LRRC28: variants seen among roughly 807,000 people sequenced by gnomAD.
LRRC28 encodes the protein leucine-rich repeat-containing protein 28.
Under a neutral mutation model 45.7 loss-of-function variants are expected in LRRC28, and 39 were observed. The ratio of observed to expected loss-of-function variants is 0.85; its 90% CI spans 0.66 to 1.12. The LOEUF (loss-of-function observed/expected upper bound fraction) is 1.12, where lower values mean the gene tolerates loss of function less well. Ranked by LOEUF, LRRC28 falls within the 50% of genes most tolerant of loss-of-function variation. LRRC28 has a pLI of 0.00. For synonymous variants in LRRC28, 206 were observed against 178.8 expected (o/e 1.15, Z -1.22); for missense variants, 435 against 438.5 (o/e 0.99, Z 0.07).
intron 9 of LRRC28, among the ~76,000 whole-genome samples, chr15:99,368,203 CATCTT>C (rs1957392143): frequency 1.3e-5 from 2 of 152,188 alleles, no homozygotes; most frequent in African/African-American, 4.8e-5. Context: ...TTCAAAATCT[CATCTT>C]AAATATCTAA....
intron 2 of LRRC28, among the ~76,000 whole-genome samples, chr15:99,274,301 G>A (rs1229535286): frequency 1.3e-5 from 2 of 152,158 alleles, no homozygotes; most frequent in East Asian, 1.9e-4. Flanking sequence ...ACATCAGTAT[G>A]CCAGTATGAC....
At position 99,352,444 on chromosome 15, in the gene LRRC28, T is replaced by C. The variant is rs753539602; in HGVS notation, c.668T>C (p.Leu223Pro). The change falls in exon 7 of 10, where the codon CTG becomes CCG. Residue 223 changes from leucine (L) to proline (P), a missense_variant. Physicochemically the swap from Leu to Pro is moderately conservative, Grantham distance 98. Coordinates refer to ENST00000301981, the MANE Select transcript of LRRC28 (RefSeq NM_144598.5). ...NIHLKGLPSY[L>P]YNKVIGCSGC... ...CACCTGAAAGGCTTGCCATCTTATC[T>C]GTACAATAAAGTCATCGGGTGCAGT... 6.2e-7 allele frequency: 1 copy of C among 1,614,022 alleles called. No individual in the cohort carries two copies. The highest frequency in any genetic ancestry group is 8.5e-7 in the Non-Finnish European group (1 of 1,179,948).
chr15:99,274,913 T>G (rs1472870986), intron 2 of LRRC28, among the ~76,000 whole-genome samples: 2 of 152,204 alleles, frequency 1.3e-5, no homozygotes. Flanking sequence ...TTATGTCTTT[T>G]GGAACTCGGG....
chr15:99,305,330 C>T (rs1277929178), intron 5 of LRRC28, among the ~76,000 whole-genome samples: 9 of 152,068 alleles, frequency 5.9e-5, no homozygotes, highest in Non-Finnish European at 1.0e-4. Context: ...GCTTTTACAG[C>T]GCTGAAACTT....
chr15:99,385,031 C>T (rs1050844132), intron 9 of LRRC28, among the ~76,000 whole-genome samples: 8 of 152,216 alleles, frequency 5.3e-5, no homozygotes, highest in Non-Finnish European at 1.0e-4. Context: ...CCTTACCATG[C>T]TTAATCCTTG....
Position 99,274,244 on chromosome 15 carries a change from A to C in LRRC28, c.169-2332A>C, listed in dbSNP as rs182924629. On this transcript the variant is annotated intron_variant, in intron 2 of 9. Coordinates refer to ENST00000301981, the MANE Select transcript of LRRC28 (RefSeq NM_144598.5). ...TACTTGGTTATCACAAAAGGGAAGG[A>C]TATGTATATATAAGCAGTTTGTGAT... 2.0e-3 allele frequency among the ~76,000 whole-genome samples: 304 copies of C among 152,360 alleles called. 3 individuals are homozygous for C. Among genetic ancestry groups the C allele is most frequent in the Non-Finnish European group, 2.1e-4 (14 of 68,034 alleles).
chr15:99,321,646 A>G (rs776270715), intron 5 of LRRC28, among the ~76,000 whole-genome samples: 3 of 152,192 alleles, frequency 2.0e-5, no homozygotes, highest in Admixed American at 6.5e-5. Context: ...TAAGCAACAA[A>G]TCTGAATCAT....
chr15:99,373,364 A>T (rs538101424), intron 9 of LRRC28, among the ~76,000 whole-genome samples: 252 of 152,080 alleles, frequency 1.7e-3, no homozygotes, highest in African/African-American at 4.2e-3. Flanking sequence ...TTCATTTTTT[A>T]AAAAAAATTA....
At chr15:99,348,544 A>G (rs1956768121) in intron 6 of LRRC28, among the ~76,000 whole-genome samples, 1 of 151,830 alleles carries the variant, frequency 6.6e-6, no homozygotes, top group African/African-American at 2.4e-5. Flanking sequence ...GTTCCCTGTT[A>G]TGTCCTCTTG....
chr15:99,334,242 T>C, intron 6 of LRRC28, 113 bp downstream of exon 6: 1 of 1,215,398 alleles, frequency 8.2e-7, no homozygotes, highest in Non-Finnish European at 1.2e-6. Flanking sequence ...TGACGATTGC[T>C]TCTCTAAGTT....
At chr15:99,378,587 G>C (rs1410454603) in intron 9 of LRRC28, among the ~76,000 whole-genome samples, 1 of 152,184 alleles carries the variant, frequency 6.6e-6, no homozygotes. Context: ...TTGAATAGGA[G>C]TGGTGAGAGA....
At chr15:99,333,344 T>C (rs1053868158) in intron 5 of LRRC28, among the ~76,000 whole-genome samples, 5 of 152,224 alleles carry the variant, frequency 3.3e-5, no homozygotes, top group Non-Finnish European at 5.9e-5. Context: ...TTTTAAAAGG[T>C]GCCGCATGCC....
intron 5 of LRRC28, among the ~76,000 whole-genome samples, chr15:99,309,879 G>A (rs1422591393): frequency 6.6e-6 from 1 of 152,162 alleles, no homozygotes; most frequent in African/African-American, 2.4e-5. Flanking sequence ...CTAATAAGGT[G>A]GTGAAGAATT....
In LRRC28 at chr15:99,334,045, T is replaced by C; in HGVS notation, c.508T>C (p.Trp170Arg). 1 of 1,614,166 alleles carries C rather than the reference T, an allele frequency of 6.2e-7. No homozygotes were observed. The highest frequency in any genetic ancestry group is 8.5e-7 in the Non-Finnish European group (1 of 1,180,000). ...QYLTVDRNRL[W>R]YVPRHLCQLP... is the part of the protein sequence containing the mutation. ...CCTCACTGTGGACCGAAATCGTCTA[T>C]GGTATGTGCCGCGCCATCTCTGCCA... is the stretch of plus-strand genomic sequence containing the variant. The change falls in exon 6 of 10, where the codon TGG becomes CGG. Residue 170 changes from tryptophan (W) to arginine (R), a missense_variant. Coordinates refer to ENST00000301981, the MANE Select transcript of LRRC28 (RefSeq NM_144598.5).
chr15:99,380,842 A>C (rs1957797847), intron 9 of LRRC28, among the ~76,000 whole-genome samples: 1 of 152,210 alleles, frequency 6.6e-6, no homozygotes. Context: ...TCTTTTCTTT[A>C]AGAATGTTGA....
At chr15:99,259,611 C>T (rs777029495) in intron 2 of LRRC28, 60 of 1,497,542 alleles carry the variant, frequency 4.0e-5, no homozygotes, top group Middle Eastern at 3.4e-4. Flanking sequence ...AAAGCACAAG[C>T]GTACCAAACG....
At chr15:99,381,084 G>A (rs1957807228) in intron 9 of LRRC28, among the ~76,000 whole-genome samples, 1 of 152,160 alleles carries the variant, frequency 6.6e-6, no homozygotes. Flanking sequence ...GGCCTGCCTT[G>A]CTTGGTTGGG....
At chr15:99,278,860 A>G (rs1567618973) in intron 3 of LRRC28, among the ~76,000 whole-genome samples, 1 of 152,238 alleles carries the variant, frequency 6.6e-6, no homozygotes, top group Non-Finnish European at 1.5e-5. Flanking sequence ...TAACTGAAGA[A>G]GGATCTTCCT....
chr15:99,368,021 C>T (rs2152331195), intron 9 of LRRC28, among the ~76,000 whole-genome samples: 1 of 152,272 alleles, frequency 6.6e-6, no homozygotes, highest in East Asian at 1.9e-4. Context: ...ATACTCTAAT[C>T]ACTTAGGAGA....
Sources: gnomAD v4.1 joint callset for allele counts (sites outside exome capture counted in the v4.1 genomes callset) on GRCh38, gnomAD v4.1.1 for gene constraint, MANE v1.5 for transcripts, NCBI Gene and HGNC (gene_info 2026-07-23, HGNC 2026-07-21) for gene names.